COL5A2: variants seen among roughly 807,000 people sequenced by gnomAD.
COL5A2 encodes collagen alpha-2(V) chain.
In COL5A2, 23 loss-of-function variants were observed where a neutral mutation model predicts 208.2. The ratio of observed to expected loss-of-function variants is 0.11; its 90% CI spans 0.08 to 0.16. The LOEUF (loss-of-function observed/expected upper bound fraction) is 0.16. COL5A2 is among the 10% of genes least tolerant of loss of function. The pLI is 1.00. For synonymous variants in COL5A2, 625 were observed against 628.5 expected (o/e 0.99, Z 0.08); for missense variants, 1,590 against 1,956.4 (o/e 0.81, Z 3.53).
At chr2:189,367,020 CA>C in the COL5A2 span, among the ~76,000 whole-genome samples, 2 of 152,288 alleles carry the variant, frequency 1.3e-5, no homozygotes, top group South Asian at 4.2e-4. Context: ...CCAATGCCTG[CA>C]AAGTGAATCT....
At chr2:189,157,979 G>A (rs1688287173) in intron 1 of COL5A2, among the ~76,000 whole-genome samples, 1 of 151,864 alleles carries the variant, frequency 6.6e-6, no homozygotes, top group African/African-American at 2.4e-5. Context: ...TTCAATGAAG[G>A]TAGAGACTGT....
intron 37 of COL5A2, among the ~76,000 whole-genome samples, 172 bp downstream of exon 37, chr2:189,053,723 A>T (rs1046842126): frequency 6.6e-6 from 1 of 152,208 alleles, no homozygotes; most frequent in African/African-American, 2.4e-5. Context: ...CACTTAATAG[A>T]TTGTATAGCA....
chr2:189,159,795 G>A (rs62182451), intron 1 of COL5A2, among the ~76,000 whole-genome samples: 5,230 of 152,098 alleles, frequency 0.034, 131 homozygotes, highest in Middle Eastern at 0.078. Context: ...GCTGAGGTAC[G>A]AGAATCACTT....
At chr2:189,108,721 C>T (rs978814220) in intron 2 of COL5A2, among the ~76,000 whole-genome samples, 6 of 151,778 alleles carry the variant, frequency 4.0e-5, no homozygotes, top group African/African-American at 1.4e-4. Flanking sequence ...TCTTTGGGTG[C>T]CCATCTTCAG....
the COL5A2 span, among the ~76,000 whole-genome samples, chr2:189,240,150 G>T: frequency 1.3e-5 from 2 of 152,180 alleles, no homozygotes; most frequent in African/African-American, 2.4e-5. Flanking sequence ...AATACTGAAG[G>T]TAGCCTTACC....
At chr2:189,154,007 CT>C (rs1429354977) in intron 1 of COL5A2, among the ~76,000 whole-genome samples, 3 of 152,076 alleles carry the variant, frequency 2.0e-5, no homozygotes, top group African/African-American at 7.2e-5. Context: ...TGACTGCAAA[CT>C]CTGGCACTTT....
intron 1 of COL5A2, among the ~76,000 whole-genome samples, chr2:189,150,704 T>C (rs1688125986): frequency 6.6e-6 from 1 of 152,194 alleles, no homozygotes. Flanking sequence ...ACCTCTACTA[T>C]TTTCAGATCT....
intron 1 of COL5A2, among the ~76,000 whole-genome samples, chr2:189,200,245 T>C (rs1689053906): frequency 6.6e-6 from 1 of 152,112 alleles, no homozygotes; most frequent in Non-Finnish European, 1.5e-5. Context: ...AATTAAGAGT[T>C]GGAGAATAGG....
intron 1 of COL5A2, among the ~76,000 whole-genome samples, chr2:189,138,567 A>G (rs1469036401): frequency 6.6e-6 from 1 of 152,162 alleles, no homozygotes; most frequent in East Asian, 1.9e-4. Flanking sequence ...AGTAGCAATG[A>G]ACACACCTAG....
chr2:189,325,176 G>A, the COL5A2 span, among the ~76,000 whole-genome samples: 4 of 152,132 alleles, frequency 2.6e-5, no homozygotes, highest in East Asian at 5.8e-4. Flanking sequence ...GTGGGGTGGG[G>A]GAAGGGGGAG....
At chr2:189,109,278 T>C (rs1220110816) in intron 2 of COL5A2, among the ~76,000 whole-genome samples, 1 of 152,118 alleles carries the variant, frequency 6.6e-6, no homozygotes, top group Non-Finnish European at 1.5e-5. Flanking sequence ...AGCTCTTATA[T>C]GTCTTGGTTT....
At chr2:189,321,726 C>T in the COL5A2 span, among the ~76,000 whole-genome samples, 10 of 152,070 alleles carry the variant, frequency 6.6e-5, no homozygotes, top group African/African-American at 1.2e-4. Flanking sequence ...ACAATAATGA[C>T]GGCAGACTTT....
chr2:189,269,251 C>T, the COL5A2 span, among the ~76,000 whole-genome samples: 1 of 152,098 alleles, frequency 6.6e-6, no homozygotes, highest in Non-Finnish European at 1.5e-5. Context: ...TAGTCCCAAA[C>T]CTTCCTTCAA....
At chr2:189,206,821 TC>T (rs1179755099) in intron 1 of COL5A2, among the ~76,000 whole-genome samples, 2 of 152,198 alleles carry the variant, frequency 1.3e-5, no homozygotes, top group Admixed American at 1.3e-4. Context: ...TGACACATAC[TC>T]GAAAGTTGTG....
chr2:189,059,243 A>G (rs1009070181), intron 31 of COL5A2, among the ~76,000 whole-genome samples: 1 of 152,126 alleles, frequency 6.6e-6, no homozygotes, highest in Non-Finnish European at 1.5e-5. Context: ...AAAAGTTTAA[A>G]TAAAGAAAAG....
At chr2:189,231,464 C>T in the COL5A2 span, among the ~76,000 whole-genome samples, 4 of 151,654 alleles carry the variant, frequency 2.6e-5, no homozygotes, top group South Asian at 2.1e-4. Flanking sequence ...CATTCACACC[C>T]GGTGCCTTTG....
chr2:189,351,543 G>A, the COL5A2 span, among the ~76,000 whole-genome samples: 1 of 152,108 alleles, frequency 6.6e-6, no homozygotes, highest in South Asian at 2.1e-4. Flanking sequence ...ATATGTGTGG[G>A]TGTGTATGTG....
chr2:189,275,041 G>A, the COL5A2 span, among the ~76,000 whole-genome samples: 1 of 151,910 alleles, frequency 6.6e-6, no homozygotes, highest in Non-Finnish European at 1.5e-5. Context: ...TAGAAAAAAG[G>A]ATCCTTAACT....
In COL5A2 at chr2:189,033,806, C is replaced by A; in HGVS notation, c.*264G>T. On this transcript the variant is annotated 3_prime_UTR_variant, in exon 54 of 54. Transcript: ENST00000374866. ...ATTTATTCAATCAGTTTACTTTCTGCAAAGGTGGTCATTGTCATTGGTCAT... is the reference window on the plus strand; with the variant it reads ...ATTTATTCAATCAGTTTACTTTCTGAAAAGGTGGTCATTGTCATTGGTCAT... 1 of 504,562 alleles carries A rather than the reference C, an allele frequency of 2.0e-6. No individual in the cohort carries two copies. The highest frequency in any genetic ancestry group is 2.3e-5 in the South Asian group (1 of 42,590). The allele number at this position is 504,562 out of a possible 1,614,324, so 31.3% of individuals were successfully genotyped here.
Sources: allele counts gnomAD v4.1 joint callset (sites outside exome capture counted in the v4.1 genomes callset), GRCh38; gene constraint gnomAD v4.1.1; transcripts MANE v1.5; gene names NCBI Gene and HGNC (gene_info 2026-07-23, HGNC 2026-07-21).